HAUS6: variants seen among roughly 807,000 people sequenced by gnomAD.
HAUS6 encodes the protein HAUS augmin like complex subunit 6.
In HAUS6, 80 loss-of-function variants were observed where a neutral mutation model predicts 106.8. The observed-to-expected ratio is 0.75, with a 90% confidence interval of 0.63 to 0.90. HAUS6 has a LOEUF of 0.90. HAUS6 is among the 40% of genes least tolerant of loss of function. The pLI is 0.00. For synonymous variants in HAUS6, 356 were observed against 379.1 expected, an observed-to-expected ratio of 0.94 and a Z score of 0.71; for missense variants, 1,155 against 1,118.1, an observed-to-expected ratio of 1.03 and a Z score of -0.47.
chr9:19,094,415 G>C lies in HAUS6; in HGVS notation c.225-20C>G, dbSNP rs1817818685. The C allele has an allele frequency of 1.4e-6, 2 of 1,460,666 alleles. No individual in the cohort carries two copies. The highest frequency in any genetic ancestry group is 9.6e-7 in the Non-Finnish European group (1 of 1,047,048). 90.5% of individuals were successfully genotyped at this position (1,460,666 alleles called of 1,614,324 possible). A position where few individuals can be genotyped will look rare whatever the true frequency, so the allele number is the denominator to read the frequency against. ...CAAAATCTGGAAAACAAAAATAAAA[G>C]CGTAAGGACTATGCACAACAATAGC... On this transcript the variant is annotated intron_variant, in intron 2 of 16. Transcript: ENST00000380502.
At chr9:19,080,768 C>T in intron 8 of HAUS6, 96 bp from the exon 9 acceptor site, 2 of 725,724 alleles carry the variant, frequency 2.8e-6, no homozygotes, top group Non-Finnish European at 4.5e-6. Context: ...TTAAAGTTTA[C>T]CTTAAAGAAG....
chr9:19,082,149 A>G (rs1432996876), intron 8 of HAUS6, among the ~76,000 whole-genome samples: 1 of 152,208 alleles, frequency 6.6e-6, no homozygotes, highest in Non-Finnish European at 1.5e-5. Context: ...GAGGGCATTA[A>G]AAGAACCATG....
intron 7 of HAUS6, among the ~76,000 whole-genome samples, chr9:19,084,781 TACC>T (rs993897312): frequency 5.9e-5 from 9 of 151,318 alleles, no homozygotes; most frequent in Non-Finnish European, 1.2e-4. Context: ...TACAGGTGAG[TACC>T]ACCACACCAG....
At chr9:19,083,766 C>T (rs533315519) in intron 7 of HAUS6, among the ~76,000 whole-genome samples, 2 of 149,096 alleles carry the variant, frequency 1.3e-5, no homozygotes, top group Admixed American at 6.7e-5. Context: ...CGCGCCACTG[C>T]ACTCCAGCCT....
intron 8 of HAUS6, among the ~76,000 whole-genome samples, chr9:19,081,120 C>A (rs1013189881): frequency 1.3e-5 from 2 of 151,902 alleles, no homozygotes; most frequent in African/African-American, 4.8e-5. Flanking sequence ...TCAAATACCC[C>A]CAAACATAAA....
At chr9:19,094,197 T>C (rs1817812369) in intron 3 of HAUS6, 120 bp downstream of exon 3, 2 of 560,934 alleles carry the variant, frequency 3.6e-6, no homozygotes, top group Admixed American at 7.3e-5. Flanking sequence ...TTAACTAATA[T>C]TTCCTTGCTT....
In HAUS6 at chr9:19,092,916, C is replaced by CAAAAAAAAAAAAAAAA. The variant is rs71494998; in HGVS notation, c.436+239_436+254dup. On this transcript the variant is annotated intron_variant, in intron 4 of 16. Coordinates refer to ENST00000380502, the MANE Select transcript of HAUS6 (RefSeq NM_017645.5). ...CTCCAGCTTGAGCGAAACTGTGTCTCAAAAAAAAAAAAAAAAAGAAATGTT... is the reference window on the plus strand; with the variant it reads ...CTCCAGCTTGAGCGAAACTGTGTCTCAAAAAAAAAAAAAAAAAAAAAAAAAAAAAAAAAGAAATGTT... 4.5e-3 allele frequency among the ~76,000 whole-genome samples: 342 copies of CAAAAAAAAAAAAAAAA among 76,064 alleles called. 9 individuals carry two copies. The highest frequency in any genetic ancestry group is 9.9e-3 in the East Asian group (23 of 2,326). The allele number at this position is 76,064 out of a possible 152,430, so 49.9% of individuals were successfully genotyped here.
Position 19,086,655 on chromosome 9 carries a change from A to G in HAUS6, c.699+79T>C, listed in dbSNP as rs1020572766. On this transcript the variant is annotated intron_variant, in intron 7 of 16. Transcript: ENST00000380502. ...AAAAAAAAGTGGTAAATAGACTATA[A>G]GAGTCCCACTAATTAAGCAAACACT... 8.9e-6 allele frequency: 6 copies of G among 673,876 alleles called. No homozygotes were observed. The East Asian group carries it at 1.4e-4, about 16-fold the overall frequency. The allele number at this position is 673,876 out of a possible 1,614,324, so 41.7% of individuals were successfully genotyped here.
chr9:19,082,433 AGT>A (rs1837176751), intron 8 of HAUS6, among the ~76,000 whole-genome samples: 1 of 132,106 alleles, frequency 7.6e-6, no homozygotes. Context: ...TCCTTATGAA[AGT>A]TTTACTAAAC....
chr9:19,082,998 C>G lies in HAUS6; in HGVS notation c.745G>C (p.Glu249Gln), dbSNP rs1318696901. 1 of 1,590,716 alleles carries G rather than the reference C, an allele frequency of 6.3e-7. No individual in the cohort carries two copies. Among genetic ancestry groups the G allele is most frequent in the African/African-American group, 1.4e-5 (1 of 73,462 alleles). Residue 249 changes from glutamate (E) to glutamine (Q), a missense_variant, in exon 8 of 17, where the codon GAA (glutamate) becomes CAA (glutamine). Coordinates refer to ENST00000380502, the MANE Select transcript of HAUS6 (RefSeq NM_017645.5). Reference sequence around the variant, plus strand: ...GAACTAACAACTTCTCTCTCTTTTTCCAAAAACATGAGCGTTTCATTCACT... The same window carrying G: ...GAACTAACAACTTCTCTCTCTTTTTGCAAAAACATGAGCGTTTCATTCACT... ...ASVNETLMFLEKEREVVSSVL... is the reference protein window; with the variant it reads ...ASVNETLMFLQKEREVVSSVL...
intron 4 of HAUS6, among the ~76,000 whole-genome samples, chr9:19,090,446 C>G (rs758979809): frequency 5.9e-5 from 9 of 152,064 alleles, no homozygotes; most frequent in South Asian, 2.1e-4. Context: ...CTCACTGCAA[C>G]CTCCGCCTCC....
intron 10 of HAUS6, among the ~76,000 whole-genome samples, chr9:19,076,992 C>T (rs564365251): frequency 2.1e-4 from 32 of 152,234 alleles, no homozygotes; most frequent in Non-Finnish European, 4.1e-4. Flanking sequence ...TGCAGAGACA[C>T]ACCACAACAC....
chr9:19,089,912 A>G (rs955897211), intron 4 of HAUS6, among the ~76,000 whole-genome samples: 7 of 152,130 alleles, frequency 4.6e-5, no homozygotes, highest in Non-Finnish European at 8.8e-5. Flanking sequence ...AGGTCACTGC[A>G]GCCTCAACCT....
intron 1 of HAUS6, among the ~76,000 whole-genome samples, chr9:19,100,591 A>T (rs984261554): frequency 4.6e-5 from 7 of 152,218 alleles, no homozygotes; most frequent in African/African-American, 1.7e-4. Flanking sequence ...TATATCCAAA[A>T]GGAAGGAGAT....
chr9:19,090,610 G>A (rs904283278), intron 4 of HAUS6, among the ~76,000 whole-genome samples: 18 of 152,102 alleles, frequency 1.2e-4, no homozygotes, highest in Non-Finnish European at 1.0e-4. Flanking sequence ...TGATCCGCCC[G>A]CCCTGACCTC....
chr9:19,078,213 C>G lies in HAUS6; in HGVS notation c.1154G>C (p.Gly385Ala), dbSNP rs758477561. 5.0e-6 allele frequency: 8 copies of G among 1,603,208 alleles called. No individual in the cohort carries two copies. In the Admixed American group the frequency reaches 5.0e-5, roughly 10 times the overall value. ...TTTAATTAGACTGAAAGGAGACAAA[C>G]CAAGAAATTCTTTCCACTTTTTATG... ...EWHKKWKEFLGLSPFSLIKGW... is the reference protein window; with the variant it reads ...EWHKKWKEFLALSPFSLIKGW... The change falls in exon 10 of 17, where the codon GGT (glycine) becomes GCT (alanine). Residue 385 changes from glycine (G) to alanine (A), a missense_variant. This residue lies in a region of HAUS6 where 761 missense variants were observed against 690.0 expected (regional missense o/e 1.10). Coordinates refer to ENST00000380502, the MANE Select transcript of HAUS6 (RefSeq NM_017645.5).
At chr9:19,090,578 T>C (rs1235476280) in intron 4 of HAUS6, among the ~76,000 whole-genome samples, 4 of 152,142 alleles carry the variant, frequency 2.6e-5, no homozygotes, top group Admixed American at 1.3e-4. Flanking sequence ...TTAGCCAGGA[T>C]GATCTTGATC....
At chr9:19,057,755 T>C (rs1836504961) in intron 16 of HAUS6, 3 of 420,352 alleles carry the variant, frequency 7.1e-6, no homozygotes, top group East Asian at 3.4e-5. Flanking sequence ...TTCCCACCCC[T>C]GTCTCAAATC....
Position 19,102,594 on chromosome 9 carries a change from C to A in HAUS6, c.58G>T (p.Ala20Ser). The A allele has an allele frequency of 6.2e-7, 1 of 1,613,862 alleles. No individual in the cohort carries two copies. The highest frequency in any genetic ancestry group is 8.5e-7 in the Non-Finnish European group (1 of 1,179,876). Residue 20 changes from alanine (A) to serine (S), a missense_variant, in exon 1 of 17, where the codon GCG becomes TCG. Ala to Ser is a moderately conservative substitution (Grantham distance 99). Around this residue, in one of 3 missense-constraint regions of HAUS6, gnomAD observed 761 missense variants for 690.0 expected, o/e 1.10. Transcript: ENST00000380502. The stretch of plus-strand genomic sequence containing the variant: ...GCCGGGCCTGGCTCGAAGCCGAGCG[C>A]CTGCAGATACATCCAGAGATGCTCC... ...EKEHLWMYLQ[A>S]LGFEPGPATI...
Sources: gnomAD v4.1 joint callset for allele counts (sites outside exome capture counted in the v4.1 genomes callset) on GRCh38, gnomAD v4.1.1 for gene constraint, gnomAD v4.1.1 regional missense constraint, MANE v1.5 for transcripts, NCBI Gene and HGNC (gene_info 2026-07-23, HGNC 2026-07-21) for gene names.